The following DCC variants were observed in gnomAD, a reference collection of about 807,000 sequenced individuals.
The protein encoded by DCC is netrin receptor DCC.
In DCC, 58 loss-of-function variants were observed where a neutral mutation model predicts 172.5. The observed-to-expected ratio is 0.34, with a 90% CI of 0.27 to 0.42. The LOEUF (loss-of-function observed/expected upper bound fraction) is 0.42. DCC is among the 10% of genes least tolerant of loss of function. The pLI is 1.00. For synonymous variants in DCC, 709 were observed against 644.5 expected (o/e 1.10, Z -1.52); for missense variants, 1,740 against 1,791.0 (o/e 0.97, Z 0.51).
intron 7 of DCC, among the ~76,000 whole-genome samples, chr18:53,069,901 G>T (rs1054398616): frequency 6.6e-6 from 1 of 151,644 alleles, no homozygotes; most frequent in Non-Finnish European, 1.5e-5. Context: ...TCTCATTGAG[G>T]TGTTTGTGTG....
rs35302015 is a variant in DCC, at chr18:52,376,483, A to ATGTGTGTG, written c.91+35623_91+35630dup. 5.1e-3 allele frequency among the ~76,000 whole-genome samples: 767 copies of ATGTGTGTG among 150,068 alleles called. 4 individuals are homozygous for ATGTGTGTG. The highest frequency in any genetic ancestry group is 0.018 in the African/African-American group (733 of 40,992). On this transcript the variant is annotated intron_variant, in intron 1 of 28. Transcript: ENST00000442544. ...TTCTCAAAAATAATAGTATATTTCTATGTGTGTGTGTGTGTGTGTGTGTGT... is the reference window on the plus strand; with the variant it reads ...TTCTCAAAAATAATAGTATATTTCTATGTGTGTGTGTGTGTGTGTGTGTGTGTGTGTGT...
At chr18:52,831,210 T>C (rs1056425664) in intron 2 of DCC, among the ~76,000 whole-genome samples, 1 of 152,156 alleles carries the variant, frequency 6.6e-6, no homozygotes, top group Non-Finnish European at 1.5e-5. Flanking sequence ...CATAGCAAGA[T>C]GATCAGTATG....
At chr18:52,440,177 T>C (rs977892758) in intron 1 of DCC, among the ~76,000 whole-genome samples, 1 of 152,172 alleles carries the variant, frequency 6.6e-6, no homozygotes, top group Non-Finnish European at 1.5e-5. Context: ...GCATACCCCT[T>C]CCATCGCAGT....
At chr18:52,592,326 A>G (rs2033818813) in intron 1 of DCC, among the ~76,000 whole-genome samples, 1 of 152,172 alleles carries the variant, frequency 6.6e-6, no homozygotes, top group South Asian at 2.1e-4. Flanking sequence ...GAATTTGATT[A>G]ATATAATTAT....
At chr18:52,467,308 G>C (rs1262422501) in intron 1 of DCC, among the ~76,000 whole-genome samples, 3 of 151,926 alleles carry the variant, frequency 2.0e-5, no homozygotes, top group African/African-American at 7.3e-5. Flanking sequence ...TTGGTTTTCT[G>C]TTCCTGTGTT....
intron 1 of DCC, among the ~76,000 whole-genome samples, chr18:52,563,731 T>C (rs774768243): frequency 3.3e-5 from 5 of 152,196 alleles, no homozygotes; most frequent in Non-Finnish European, 5.9e-5. Context: ...TGGAACTATA[T>C]AGAACCCTAT....
chr18:53,510,603 G>C (rs2046239267), intron 27 of DCC, among the ~76,000 whole-genome samples: 1 of 152,130 alleles, frequency 6.6e-6, no homozygotes, highest in Non-Finnish European at 1.5e-5. Context: ...TTCATCCTTT[G>C]CATTATTCAA....
At chr18:53,476,350 C>A (rs1327024551) in intron 25 of DCC, among the ~76,000 whole-genome samples, 1 of 152,146 alleles carries the variant, frequency 6.6e-6, no homozygotes, top group East Asian at 1.9e-4. Flanking sequence ...TGTGTCCCCA[C>A]CCAAATCTCA....
chr18:52,785,850 C>G (rs1053796947), intron 2 of DCC, among the ~76,000 whole-genome samples: 1 of 152,078 alleles, frequency 6.6e-6, no homozygotes, highest in African/African-American at 2.4e-5. Flanking sequence ...AACTTTCTAA[C>G]TTCTCCTAAG....
intron 25 of DCC, among the ~76,000 whole-genome samples, chr18:53,477,287 G>T (rs953669908): frequency 6.6e-6 from 1 of 152,186 alleles, no homozygotes; most frequent in African/African-American, 2.4e-5. Context: ...GGGAGTACAG[G>T]TATGAGCCAC....
chr18:53,257,063 G>T (rs1334804391), intron 12 of DCC, among the ~76,000 whole-genome samples: 3 of 152,178 alleles, frequency 2.0e-5, no homozygotes, highest in Non-Finnish European at 2.9e-5. Context: ...CATTGATTTT[G>T]TATCCTGAGA....
rs563092070 is a variant in DCC at position 52,356,465 on chromosome 18, G to A, written c.91+15587G>A. On this transcript the variant is annotated intron_variant, in intron 1 of 28. Transcript: ENST00000442544. Reference sequence around the variant, plus strand: ...ATCTTCTGTACATTTTGCGGCCAAAGGGCAGGTAGCCCAGCTCAAAATTTG... The same window carrying A: ...ATCTTCTGTACATTTTGCGGCCAAAAGGCAGGTAGCCCAGCTCAAAATTTG... Among the ~76,000 whole-genome samples the A allele has an allele frequency of 5.3e-5, 8 of 152,278 alleles. No homozygotes were observed. The South Asian group carries it at 1.7e-3, about 32-fold the overall frequency.
chr18:52,620,942 A>T (rs1429873240), intron 1 of DCC, among the ~76,000 whole-genome samples: 1 of 152,160 alleles, frequency 6.6e-6, no homozygotes, highest in Non-Finnish European at 1.5e-5. Context: ...AACAAGGGAG[A>T]CTTTCCCCAG....
At chr18:53,148,653 C>G (rs1246024955) in intron 7 of DCC, among the ~76,000 whole-genome samples, 1 of 151,896 alleles carries the variant, frequency 6.6e-6, no homozygotes, top group Non-Finnish European at 1.5e-5. Context: ...AAAAAGAGAC[C>G]TGAAATGAAA....
At chr18:53,073,490 C>T (rs1481253843) in intron 7 of DCC, among the ~76,000 whole-genome samples, 1 of 152,160 alleles carries the variant, frequency 6.6e-6, no homozygotes, top group Non-Finnish European at 1.5e-5. Flanking sequence ...AGCACCACTG[C>T]ACTCCAGCCT....
At chr18:53,118,262 T>G (rs879642827) in intron 7 of DCC, among the ~76,000 whole-genome samples, 3 of 151,836 alleles carry the variant, frequency 2.0e-5, no homozygotes, top group Non-Finnish European at 2.9e-5. Flanking sequence ...TCCAAACCAC[T>G]GTGTATAATT....
chr18:52,363,070 G>T (rs1185663968), intron 1 of DCC, among the ~76,000 whole-genome samples: 2 of 152,104 alleles, frequency 1.3e-5, no homozygotes, highest in Non-Finnish European at 2.9e-5. Context: ...TAGAGATGGG[G>T]TTTTGCCATG....
At chr18:52,662,332 G>A (rs2035374242) in intron 1 of DCC, among the ~76,000 whole-genome samples, 1 of 152,116 alleles carries the variant, frequency 6.6e-6, no homozygotes, top group African/African-American at 2.4e-5. Context: ...AAGCAGAGAG[G>A]AGGAAATGAT....
intron 15 of DCC, among the ~76,000 whole-genome samples, chr18:53,382,532 A>C (rs1420262261): frequency 1.3e-5 from 2 of 152,028 alleles, no homozygotes; most frequent in Non-Finnish European, 2.9e-5. Flanking sequence ...CAGACCTCTA[A>C]ATGTATAGCA....
Sources: allele counts gnomAD v4.1 joint callset (sites outside exome capture counted in the v4.1 genomes callset), GRCh38; gene constraint gnomAD v4.1.1; transcripts MANE v1.5; gene names NCBI Gene and HGNC (gene_info 2026-07-23, HGNC 2026-07-21).